AFF3: variants seen among roughly 807,000 people sequenced by gnomAD.
The protein encoded by AFF3 is ALF transcription elongation factor 3, also known as AF4/FMR2 family member 3.
In AFF3, 32 loss-of-function variants were observed where a neutral mutation model predicts 129.7. The ratio of observed to expected loss-of-function variants is 0.25; its 90% CI spans 0.19 to 0.33. AFF3 has a LOEUF of 0.33. Among genes scored for constraint, AFF3 ranks in the 10% least tolerant of loss-of-function variants. The pLI is 1.00. For missense variants in AFF3, 1,373 were observed against 1,592.0 expected (o/e 0.86, Z 2.34); for synonymous variants, 644 against 635.4 (o/e 1.01, Z -0.20).
At chr2:99,602,827 C>T (rs1679968363) in intron 13 of AFF3, among the ~76,000 whole-genome samples, 1 of 152,082 alleles carries the variant, frequency 6.6e-6, no homozygotes, top group Non-Finnish European at 1.5e-5. Flanking sequence ...GTGCTTTGCC[C>T]AAAGAGGACT....
intron 10 of AFF3, among the ~76,000 whole-genome samples, chr2:99,731,519 C>A (rs1679830319): frequency 6.6e-6 from 1 of 152,166 alleles, no homozygotes; most frequent in Non-Finnish European, 1.5e-5. Context: ...TTCCCTCCCA[C>A]CTCCCCGCTC....
At chr2:100,038,077 C>T (rs1685120086) in intron 4 of AFF3, among the ~76,000 whole-genome samples, 1 of 151,742 alleles carries the variant, frequency 6.6e-6, no homozygotes, top group Admixed American at 6.6e-5. Flanking sequence ...TTTCTTTGTA[C>T]CTGGGAAGTC....
chr2:99,648,200 G>A (rs1277235338), intron 13 of AFF3, among the ~76,000 whole-genome samples: 2 of 151,880 alleles, frequency 1.3e-5, no homozygotes, highest in Non-Finnish European at 2.9e-5. Flanking sequence ...ACAATTCAGT[G>A]GTCTGGTATA....
intron 11 of AFF3, among the ~76,000 whole-genome samples, chr2:99,687,522 G>T (rs1269362318): frequency 6.6e-6 from 1 of 152,152 alleles, no homozygotes; most frequent in Non-Finnish European, 1.5e-5. Context: ...AAGCCACGAG[G>T]CTGAGCTCCT....
intron 8 of AFF3, among the ~76,000 whole-genome samples, chr2:99,826,921 A>C (rs767651651): frequency 1.3e-5 from 2 of 152,088 alleles, no homozygotes; most frequent in Non-Finnish European, 2.9e-5. Flanking sequence ...TGGATGAACA[A>C]GGAGATAGCT....
intron 11 of AFF3, among the ~76,000 whole-genome samples, chr2:99,706,565 T>A (rs1285624884): frequency 6.6e-6 from 1 of 152,160 alleles, no homozygotes; most frequent in African/African-American, 2.4e-5. Context: ...TTGTTCTTTA[T>A]CTGAACTAAC....
chr2:99,917,116 A>T (rs1030076068), intron 7 of AFF3, among the ~76,000 whole-genome samples: 3 of 152,188 alleles, frequency 2.0e-5, no homozygotes, highest in Non-Finnish European at 4.4e-5. Flanking sequence ...CTGGCAGATA[A>T]GGGTTTAATA....
intron 13 of AFF3, among the ~76,000 whole-genome samples, chr2:99,633,698 G>C (rs1297156235): frequency 6.6e-6 from 1 of 152,006 alleles, no homozygotes; most frequent in African/African-American, 2.4e-5. Context: ...AGCTCTCATG[G>C]AATGGATTAG....
At chr2:99,966,296 T>G (rs1001299529) in intron 7 of AFF3, among the ~76,000 whole-genome samples, 2 of 152,120 alleles carry the variant, frequency 1.3e-5, no homozygotes, top group Non-Finnish European at 2.9e-5. Context: ...AGATTACAAT[T>G]TACACAGATG....
At chr2:99,875,532 G>C (rs942160198) in intron 7 of AFF3, among the ~76,000 whole-genome samples, 1 of 152,128 alleles carries the variant, frequency 6.6e-6, no homozygotes, top group African/African-American at 2.4e-5. Flanking sequence ...TACCACTTGT[G>C]CTTGGAACAT....
At chr2:99,923,169 C>T (rs1217516845) in intron 7 of AFF3, among the ~76,000 whole-genome samples, 1 of 152,174 alleles carries the variant, frequency 6.6e-6, no homozygotes, top group African/African-American at 2.4e-5. Context: ...TGAGCTCCAT[C>T]TCCATTCTAG....
chr2:100,055,689 G>A (rs375822360), intron 4 of AFF3, among the ~76,000 whole-genome samples: 5 of 152,092 alleles, frequency 3.3e-5, no homozygotes, highest in South Asian at 2.1e-4. Flanking sequence ...TAGGCTTTGC[G>A]GGCCAAATGG....
intron 18 of AFF3, among the ~76,000 whole-genome samples, chr2:99,570,292 C>T (rs1245896332): frequency 6.6e-6 from 1 of 152,142 alleles, no homozygotes; most frequent in African/African-American, 2.4e-5. Flanking sequence ...GTAAGAATGT[C>T]CATATATTGT....
chr2:99,573,455 A>C (rs886457304), intron 18 of AFF3, among the ~76,000 whole-genome samples: 40 of 152,214 alleles, frequency 2.6e-4, no homozygotes, highest in African/African-American at 9.2e-4. Context: ...GACCCTCAAG[A>C]GAACATGCCC....
At chr2:99,855,839 C>CT (rs1558918962) in intron 7 of AFF3, among the ~76,000 whole-genome samples, 4 of 152,146 alleles carry the variant, frequency 2.6e-5, no homozygotes, top group African/African-American at 9.7e-5. Flanking sequence ...AACACTGTCT[C>CT]TGCCAAGTGA....
chr2:100,004,790 GTTCAAATTACAACAT>G (rs1259709668), intron 7 of AFF3, among the ~76,000 whole-genome samples: 2 of 151,322 alleles, frequency 1.3e-5, no homozygotes, highest in African/African-American at 4.9e-5. Context: ...GTGTTATAAG[GTTCAAATTACAACAT>G]TTCTCCTAAT....
At chr2:99,775,491 T>C (rs1683824887) in intron 8 of AFF3, among the ~76,000 whole-genome samples, 1 of 151,920 alleles carries the variant, frequency 6.6e-6, no homozygotes, top group Non-Finnish European at 1.5e-5. Flanking sequence ...CACTTATAAG[T>C]GGGAGCTAAA....
chr2:99,569,335 C>T (rs924425616), intron 18 of AFF3, among the ~76,000 whole-genome samples: 2 of 151,674 alleles, frequency 1.3e-5, no homozygotes, highest in South Asian at 4.2e-4. Context: ...ATTTATGTAT[C>T]CTTATGAAAA....
chr2:99,645,330 AAAAC>A (rs1372840361), intron 13 of AFF3, among the ~76,000 whole-genome samples: 2 of 152,304 alleles, frequency 1.3e-5, no homozygotes, highest in South Asian at 2.1e-4. Flanking sequence ...CCTGTCTCAA[AAAAC>A]AAACAAACAA....
Sources: gnomAD v4.1 joint callset for allele counts (sites outside exome capture counted in the v4.1 genomes callset) on GRCh38, gnomAD v4.1.1 for gene constraint, MANE v1.5 for transcripts, NCBI Gene and HGNC (gene_info 2026-07-23, HGNC 2026-07-21) for gene names.